Variants in DEUP1 observed in about 807,000 individuals in gnomAD.
DEUP1 encodes coiled-coil domain containing 67.
Under a neutral mutation model 87.4 loss-of-function variants are expected in DEUP1, and 82 were observed. That is an observed-to-expected ratio of 0.94 (90% CI 0.78 to 1.13). The LOEUF (loss-of-function observed/expected upper bound fraction) is 1.13, where lower values mean the gene tolerates loss of function less well. Among genes scored for constraint, DEUP1 ranks in the 50% most tolerant of loss-of-function variants. DEUP1 has a pLI of 0.00. For synonymous variants in DEUP1, 214 were observed against 222.7 expected (o/e 0.96, Z 0.35); for missense variants, 663 against 681.5 (o/e 0.97, Z 0.30).
At chr11:93,341,959 C>G (rs888341341) in intron 2 of DEUP1, among the ~76,000 whole-genome samples, 6 of 151,996 alleles carry the variant, frequency 3.9e-5, no homozygotes, top group African/African-American at 1.5e-4. Context: ...CTTGTGGACT[C>G]CAATCTTAAA....
chr11:93,384,021 C>T (rs1420975527), intron 7 of DEUP1, among the ~76,000 whole-genome samples: 1 of 152,104 alleles, frequency 6.6e-6, no homozygotes, highest in Non-Finnish European at 1.5e-5. Context: ...CATTAATTTC[C>T]TTGTATAATT....
At chr11:93,365,870 C>T (rs1945390740) in intron 5 of DEUP1, among the ~76,000 whole-genome samples, 1 of 152,096 alleles carries the variant, frequency 6.6e-6, no homozygotes, top group African/African-American at 2.4e-5. Context: ...GCAGGTAAAC[C>T]TGTTTTACCT....
intron 4 of DEUP1, chr11:93,357,267 TG>T (rs768254752): frequency 1.1e-4 from 37 of 329,514 alleles, no homozygotes; most frequent in Middle Eastern, 8.5e-4. Context: ...AGTAGACAAA[TG>T]GCTTTCTATT....
intron 13 of DEUP1, among the ~76,000 whole-genome samples, chr11:93,428,842 A>C (rs544177425): frequency 6.6e-6 from 1 of 152,150 alleles, no homozygotes; most frequent in Non-Finnish European, 1.5e-5. Flanking sequence ...TGAAATCATA[A>C]ATTAAAAAGA....
chr11:93,363,952 C>T (rs1016288526), intron 4 of DEUP1, among the ~76,000 whole-genome samples: 2 of 151,816 alleles, frequency 1.3e-5, no homozygotes, highest in Admixed American at 1.3e-4. Flanking sequence ...TAATGAATCT[C>T]GAGTTTACAT....
At chr11:93,363,645 T>C (rs1945282321) in intron 4 of DEUP1, among the ~76,000 whole-genome samples, 1 of 151,858 alleles carries the variant, frequency 6.6e-6, no homozygotes, top group Admixed American at 6.6e-5. Flanking sequence ...AAAAGAATTA[T>C]CATTAAGAAA....
chr11:93,352,975 C>T (rs1591113539), intron 2 of DEUP1, among the ~76,000 whole-genome samples: 2 of 152,230 alleles, frequency 1.3e-5, no homozygotes, highest in Middle Eastern at 3.4e-3. Context: ...CCTCACATTT[C>T]AAAACCAATC....
At chr11:93,397,683 A>C (rs1200498109) in intron 11 of DEUP1, among the ~76,000 whole-genome samples, 2 of 152,092 alleles carry the variant, frequency 1.3e-5, no homozygotes, top group African/African-American at 2.4e-5. Context: ...TCCCAATCCA[A>C]AGCTATCCAG....
At chr11:93,418,332 C>G (rs1947722347) in intron 13 of DEUP1, among the ~76,000 whole-genome samples, 2 of 151,822 alleles carry the variant, frequency 1.3e-5, no homozygotes. Context: ...AACAAATTTA[C>G]AAGAAAAAAA....
intron 8 of DEUP1, among the ~76,000 whole-genome samples, chr11:93,387,160 G>A (rs1454410065): frequency 6.6e-6 from 1 of 152,100 alleles, no homozygotes. Flanking sequence ...AAAGGTATAA[G>A]TTTAACTTTT....
At chr11:93,364,050 T>A in intron 4 of DEUP1, 110 bp from the exon 5 acceptor site, 1 of 809,058 alleles carries the variant, frequency 1.2e-6, no homozygotes, top group Non-Finnish European at 1.9e-6. Flanking sequence ...TTTACTGCAC[T>A]TTCTAATCAT....
At chr11:93,411,549 A>G (rs2259469) in intron 12 of DEUP1, among the ~76,000 whole-genome samples, 68,006 of 151,994 alleles carry the variant, frequency 0.45, 16,046 homozygotes, top group Admixed American at 0.61. Flanking sequence ...CTAGTAAGAC[A>G]GCTACTTAGC....
At chr11:93,384,675 G>A (rs1051143477) in intron 7 of DEUP1, among the ~76,000 whole-genome samples, 1 of 152,208 alleles carries the variant, frequency 6.6e-6, no homozygotes, top group African/African-American at 2.4e-5. Context: ...TTGTTGGCCA[G>A]CTTTGCCATT....
At chr11:93,399,321 C>T (rs1306360414) in intron 11 of DEUP1, among the ~76,000 whole-genome samples, 5 of 151,620 alleles carry the variant, frequency 3.3e-5, no homozygotes, top group Admixed American at 1.3e-4. Context: ...AAACATTAAG[C>T]TCAGTTTATT....
At chr11:93,338,861 T>A (rs1349968195) in intron 2 of DEUP1, among the ~76,000 whole-genome samples, 1 of 152,166 alleles carries the variant, frequency 6.6e-6, no homozygotes, top group African/African-American at 2.4e-5. Context: ...GAAATGAGGT[T>A]GTATAAAAGC....
At chr11:93,414,940 G>T in intron 12 of DEUP1, 60 bp from the exon 13 acceptor site, 1 of 931,268 alleles carries the variant, frequency 1.1e-6, no homozygotes. Flanking sequence ...AAAATCCTTA[G>T]CTACATAAAT....
intron 7 of DEUP1, chr11:93,383,510 G>T: frequency 4.9e-6 from 3 of 608,416 alleles, no homozygotes; most frequent in South Asian, 2.1e-5. Flanking sequence ...GGTTTCCTTT[G>T]GGGATGATGA....
intron 7 of DEUP1, among the ~76,000 whole-genome samples, chr11:93,373,075 C>G (rs1197759365): frequency 2.0e-5 from 3 of 152,192 alleles, no homozygotes; most frequent in African/African-American, 7.2e-5. Flanking sequence ...CATTTTGCAG[C>G]TGTCTTTGTA....
At chr11:93,362,816 A>G (rs1945236108) in intron 4 of DEUP1, among the ~76,000 whole-genome samples, 1 of 151,942 alleles carries the variant, frequency 6.6e-6, no homozygotes, top group African/African-American at 2.4e-5. Flanking sequence ...CAGTTGATGA[A>G]TGGATAAACA....
Sources: allele counts gnomAD v4.1 joint callset (sites outside exome capture counted in the v4.1 genomes callset), GRCh38; gene constraint gnomAD v4.1.1; transcripts MANE v1.5; gene names NCBI Gene and HGNC (gene_info 2026-07-23, HGNC 2026-07-21).